The following ZFHX3 variants were observed in gnomAD, a reference collection of about 807,000 sequenced individuals.
The protein encoded by ZFHX3 is zinc finger homeobox protein 3.
In ZFHX3, 42 loss-of-function variants were observed where a neutral mutation model predicts 279.1. The observed-to-expected ratio is 0.15, with a 90% CI of 0.12 to 0.19. The LOEUF (loss-of-function observed/expected upper bound fraction) is 0.19. ZFHX3 is among the 10% of genes least tolerant of loss of function. The probability of loss-of-function intolerance (pLI) is 1.00; values close to 1 mark genes in which losing one functional copy is unlikely to be tolerated. For synonymous variants in ZFHX3, 2,293 were observed against 1,957.8 expected (o/e 1.17, Z -4.52); for missense variants, 4,981 against 4,754.0 (o/e 1.05, Z -1.40).
chr16:73,256,160 C>G (rs1283235013), intron 5 of ZFHX3, among the ~76,000 whole-genome samples: 1 of 152,062 alleles, frequency 6.6e-6, no homozygotes, highest in African/African-American at 2.4e-5. Flanking sequence ...TGGTCACTTC[C>G]AAAACAATTT....
chr16:73,172,962 T>TTC (rs1967569007), intron 5 of ZFHX3, among the ~76,000 whole-genome samples: 1 of 132,622 alleles, frequency 7.5e-6, no homozygotes, highest in Non-Finnish European at 1.6e-5. Context: ...TCTTTCTTTC[T>TTC]CCCCCTGCTG....
intron 2 of ZFHX3, among the ~76,000 whole-genome samples, chr16:73,632,845 G>C (rs549925787): frequency 6.6e-6 from 1 of 152,224 alleles, no homozygotes; most frequent in Non-Finnish European, 1.5e-5. Context: ...GGGAGGCCGA[G>C]GCAGGTAGAT....
chr16:72,833,932 A>T, intron 4 of ZFHX3, among the ~76,000 whole-genome samples: 1 of 152,162 alleles, frequency 6.6e-6, no homozygotes, highest in Non-Finnish European at 1.5e-5. Context: ...TCCATGTTCA[A>T]CAGTGACTGA....
At chr16:73,203,157 G>A (rs1209002046) in intron 5 of ZFHX3, among the ~76,000 whole-genome samples, 4 of 152,022 alleles carry the variant, frequency 2.6e-5, no homozygotes, top group African/African-American at 7.2e-5. Context: ...TGACCCACAC[G>A]TGTATCTCTT....
At chr16:73,581,908 T>C (rs944333779) in intron 2 of ZFHX3, among the ~76,000 whole-genome samples, 3 of 151,670 alleles carry the variant, frequency 2.0e-5, no homozygotes, top group Non-Finnish European at 4.4e-5. Flanking sequence ...TCTCCTGACC[T>C]CATGATCCAC....
intron 1 of ZFHX3, among the ~76,000 whole-genome samples, chr16:73,823,382 C>T (rs1960807122): frequency 6.6e-6 from 1 of 152,098 alleles, no homozygotes; most frequent in Non-Finnish European, 1.5e-5. Flanking sequence ...GCCCATCCAT[C>T]CCTCAAGACA....
intron 5 of ZFHX3, among the ~76,000 whole-genome samples, chr16:73,225,948 A>T (rs1185779251): frequency 6.6e-6 from 1 of 152,178 alleles, no homozygotes; most frequent in East Asian, 1.9e-4. Flanking sequence ...ACTCTCGAGC[A>T]CCTGAGCTCC....
In ZFHX3 at chr16:72,958,510, C is replaced by G; in HGVS notation, c.1636G>C (p.Gly546Arg). 1 of 1,614,002 alleles carries G rather than the reference C, an allele frequency of 6.2e-7. No homozygotes were observed. The highest frequency in any genetic ancestry group is 8.5e-7 in the Non-Finnish European group (1 of 1,180,028). The change falls in exon 2 of 10, where the codon GGC becomes CGC. Residue 546 changes from glycine to arginine, a missense_variant. Transcript: ENST00000268489. ...MPNVLQTLSR[G>R]TASTSSNSAS... ...GAATTAGAACTAGTAGAAGCTGTGC[C>G]CCTCGACAGGGTCTGGAGCACGTTA...
At chr16:73,697,187 T>C (rs1384325413) in intron 1 of ZFHX3, among the ~76,000 whole-genome samples, 4 of 151,532 alleles carry the variant, frequency 2.6e-5, no homozygotes, top group African/African-American at 9.7e-5. Context: ...TCCATGGCAT[T>C]AGGAAAACAT....
At position 72,794,688 on chromosome 16, in the gene ZFHX3, T is replaced by A; in HGVS notation, c.7994A>T (p.Asn2665Ile). 6.2e-7 allele frequency: 1 copy of A among 1,614,252 alleles called. No homozygotes were observed. The highest frequency in any genetic ancestry group is 1.3e-5 in the African/African-American group (1 of 75,074). Residue 2665 changes from asparagine (N) to isoleucine (I), a missense_variant, in exon 9 of 10, where the codon AAT becomes ATT. Physicochemically the swap from Asn to Ile is moderately radical, Grantham distance 149. Transcript: ENST00000268489. This position sits in a 1 kb window ranked among gnomAD's most constrained non-coding sequence, Gnocchi z 4.2. Reference protein sequence around the residue: ...ILYQKYLLDSNPTRKMLDHIA... With the variant: ...ILYQKYLLDSIPTRKMLDHIA... ...GTGATCCAACATCTTTCGAGTCGGATTGGAATCCAGTAGATACTTCTGGTA... is the reference window on the plus strand; with the variant it reads ...GTGATCCAACATCTTTCGAGTCGGAATGGAATCCAGTAGATACTTCTGGTA...
intron 2 of ZFHX3, among the ~76,000 whole-genome samples, chr16:73,604,338 G>C (rs1397150156): frequency 6.6e-6 from 1 of 151,946 alleles, no homozygotes; most frequent in Non-Finnish European, 1.5e-5. Flanking sequence ...TTTTAAAAGA[G>C]AAAGAGAAGT....
intron 1 of ZFHX3, among the ~76,000 whole-genome samples, chr16:73,682,069 C>T (rs2053015925): frequency 1.3e-5 from 2 of 152,144 alleles, no homozygotes; most frequent in African/African-American, 2.4e-5. Flanking sequence ...ATATTACATA[C>T]AGAAAACTGC....
intron 7 of ZFHX3, among the ~76,000 whole-genome samples, chr16:73,117,420 A>G (rs1437530184): frequency 6.6e-6 from 1 of 152,246 alleles, no homozygotes; most frequent in Non-Finnish European, 1.5e-5. Flanking sequence ...TTTGAAAACT[A>G]GTAGACAGGT....
intron 3 of ZFHX3, among the ~76,000 whole-genome samples, chr16:72,913,835 C>T (rs375297539): frequency 6.6e-6 from 1 of 152,178 alleles, no homozygotes; most frequent in Non-Finnish European, 1.5e-5. Context: ...GTTTTGCATA[C>T]CTGGGCTCTC....
At chr16:73,025,865 G>A (rs1037489317) in intron 1 of ZFHX3, among the ~76,000 whole-genome samples, 1 of 152,280 alleles carries the variant, frequency 6.6e-6, no homozygotes, top group African/African-American at 2.4e-5. Context: ...CTTGCAAAGC[G>A]AAAGATGTTC....
chr16:73,025,653 A>G (rs546936331), intron 1 of ZFHX3, among the ~76,000 whole-genome samples: 2 of 152,096 alleles, frequency 1.3e-5, no homozygotes, highest in Non-Finnish European at 2.9e-5. Flanking sequence ...CAGGTCTGGC[A>G]TCTGGCCCCC....
chr16:73,823,281 G>A (rs1160155399), intron 1 of ZFHX3, among the ~76,000 whole-genome samples: 1 of 152,080 alleles, frequency 6.6e-6, no homozygotes, highest in East Asian at 1.9e-4. Context: ...GGCAGGCAGA[G>A]GAACTAAAAG....
At chr16:73,005,399 G>A (rs1248108847) in intron 1 of ZFHX3, among the ~76,000 whole-genome samples, 1 of 152,194 alleles carries the variant, frequency 6.6e-6, no homozygotes, top group Non-Finnish European at 1.5e-5. Context: ...AGAGACTGAG[G>A]CAGGAGAACT....
intron 2 of ZFHX3, among the ~76,000 whole-genome samples, chr16:73,574,156 A>G (rs2143811237): frequency 6.6e-6 from 1 of 152,308 alleles, no homozygotes; most frequent in African/African-American, 2.4e-5. Flanking sequence ...CTAAAGTACA[A>G]TGAGACTGAT....
Sources: allele counts gnomAD v4.1 joint callset (sites outside exome capture counted in the v4.1 genomes callset), GRCh38; gene constraint gnomAD v4.1.1; non-coding constraint Gnocchi (gnomAD v3.1); transcripts MANE v1.5; gene names NCBI Gene and HGNC (gene_info 2026-07-23, HGNC 2026-07-21).